FMN2: variants seen among roughly 807,000 people sequenced by gnomAD.
The protein encoded by FMN2 is formin 2, also known as formin-2.
A neutral mutation model predicts 142.3 loss-of-function variants in FMN2; 51 were observed. The ratio of observed to expected loss-of-function variants is 0.36; its 90% CI spans 0.29 to 0.45. FMN2 has a LOEUF of 0.45. FMN2 is among the 20% of genes least tolerant of loss of function. The probability of loss-of-function intolerance (pLI) is 1.00; values close to 1 mark genes in which losing one functional copy is unlikely to be tolerated. For synonymous variants in FMN2, 882 were observed against 869.8 expected (o/e 1.01, Z -0.25); for missense variants, 1,936 against 2,122.8 (o/e 0.91, Z 1.73).
At chr1:240,100,050 G>A (rs923041915) in intron 1 of FMN2, among the ~76,000 whole-genome samples, 2 of 152,198 alleles carry the variant, frequency 1.3e-5, no homozygotes, top group Non-Finnish European at 1.5e-5. Context: ...GACAAGTTGA[G>A]TATCCAGGCT....
At chr1:240,347,066 A>G (rs921267013) in intron 13 of FMN2, among the ~76,000 whole-genome samples, 2 of 152,186 alleles carry the variant, frequency 1.3e-5, no homozygotes, top group African/African-American at 4.8e-5. Context: ...GAGAAACATA[A>G]CCCATTAATT....
intron 16 of FMN2, among the ~76,000 whole-genome samples, chr1:240,445,887 G>A (rs1016157987): frequency 6.6e-6 from 1 of 152,118 alleles, no homozygotes; most frequent in Non-Finnish European, 1.5e-5. Context: ...AGTAAAGATT[G>A]TGGAAAATAG....
At chr1:240,380,824 A>G (rs1205427034) in intron 14 of FMN2, among the ~76,000 whole-genome samples, 1 of 152,098 alleles carries the variant, frequency 6.6e-6, no homozygotes, top group East Asian at 1.9e-4. Context: ...TTGAAACGAT[A>G]AACAAAATAG....
In FMN2 at chr1:240,176,711, A is replaced by C. The variant is rs1184950576; in HGVS notation, c.1783-1210A>C. Among the ~76,000 whole-genome samples the C allele has an allele frequency of 2.0e-5, 3 of 152,336 alleles. No homozygotes were observed. In the South Asian group the frequency reaches 6.2e-4, roughly 32 times the overall value. ...AACTATTTCTGATATTCAGTATGCT[A>C]AATAGCGCAGTTTCTGGTGTTGGTC... On this transcript the variant is annotated intron_variant, in intron 2 of 17. Coordinates refer to ENST00000319653, the MANE Select transcript of FMN2 (RefSeq NM_020066.5).
At chr1:240,159,961 G>GTATA (rs1245218890) in intron 2 of FMN2, among the ~76,000 whole-genome samples, 83 of 127,668 alleles carry the variant, frequency 6.5e-4, no homozygotes, top group African/African-American at 2.3e-3. Flanking sequence ...CTATATCTGT[G>GTATA]TATATATATA....
At chr1:240,336,065 C>T (rs947042776) in intron 13 of FMN2, among the ~76,000 whole-genome samples, 7 of 152,086 alleles carry the variant, frequency 4.6e-5, no homozygotes, top group African/African-American at 1.7e-4. Flanking sequence ...ATCACTTGAA[C>T]CTGGGAGGCA....
chr1:240,115,971 A>G (rs912576495), intron 1 of FMN2, among the ~76,000 whole-genome samples: 2 of 152,184 alleles, frequency 1.3e-5, no homozygotes, highest in African/African-American at 4.8e-5. Flanking sequence ...CTTAAAGAAC[A>G]TACAGGGCAA....
At chr1:240,133,897 G>C (rs977727720) in intron 2 of FMN2, among the ~76,000 whole-genome samples, 1 of 152,180 alleles carries the variant, frequency 6.6e-6, no homozygotes, top group African/African-American at 2.4e-5. Context: ...GTAATGCTGT[G>C]TCCTTGTGTT....
chr1:240,455,329 A>T (rs972491305), intron 16 of FMN2, among the ~76,000 whole-genome samples: 6 of 152,188 alleles, frequency 3.9e-5, no homozygotes, highest in African/African-American at 1.4e-4. Context: ...CCTAGAAAAC[A>T]TCGCAAGATC....
chr1:240,286,294 A>G (rs1415784256), intron 7 of FMN2, among the ~76,000 whole-genome samples: 1 of 152,134 alleles, frequency 6.6e-6, no homozygotes, highest in African/African-American at 2.4e-5. Flanking sequence ...CCTATCCTAC[A>G]ATTGTGATTG....
intron 4 of FMN2, among the ~76,000 whole-genome samples, chr1:240,193,089 T>C (rs1665772643): frequency 6.6e-6 from 1 of 152,188 alleles, no homozygotes; most frequent in African/African-American, 2.4e-5. Context: ...AATGAAGTAA[T>C]ATCTTTGCTC....
chr1:240,257,372 T>C, intron 6 of FMN2, among the ~76,000 whole-genome samples: 1 of 152,164 alleles, frequency 6.6e-6, no homozygotes, highest in East Asian at 1.9e-4. Context: ...CTCCCCAAAA[T>C]GTGGGTCAAA....
At chr1:240,317,477 A>G (rs1258339571) in intron 8 of FMN2, among the ~76,000 whole-genome samples, 1 of 152,172 alleles carries the variant, frequency 6.6e-6, no homozygotes, top group East Asian at 1.9e-4. Context: ...AGAATGTGAC[A>G]TAAATGGAAT....
At chr1:240,193,828 C>T (rs2103357945) in intron 4 of FMN2, among the ~76,000 whole-genome samples, 1 of 152,344 alleles carries the variant, frequency 6.6e-6, no homozygotes, top group Non-Finnish European at 1.5e-5. Flanking sequence ...CCAGAGTTAT[C>T]TTTCTAAAAT....
chr1:240,371,223 G>T (rs1672854736), intron 14 of FMN2, among the ~76,000 whole-genome samples: 1 of 152,122 alleles, frequency 6.6e-6, no homozygotes, highest in African/African-American at 2.4e-5. Flanking sequence ...GCCTCCCAAA[G>T]TGTTGAGATT....
chr1:240,208,909 T>C (rs1325600796), intron 5 of FMN2, among the ~76,000 whole-genome samples, 177 bp downstream of exon 5: 1 of 152,204 alleles, frequency 6.6e-6, no homozygotes, highest in Admixed American at 6.5e-5. Context: ...TAAGCTTTTC[T>C]CCAGAAGTAC....
chr1:240,456,488 C>T (rs888731734), intron 16 of FMN2, among the ~76,000 whole-genome samples: 1 of 152,140 alleles, frequency 6.6e-6, no homozygotes, highest in Admixed American at 6.6e-5. Context: ...CGGAGTTTCG[C>T]TCTTGTTGCC....
At chr1:240,291,033 C>G (rs770734445) in intron 7 of FMN2, among the ~76,000 whole-genome samples, 6 of 151,942 alleles carry the variant, frequency 3.9e-5, no homozygotes, top group African/African-American at 1.2e-4. Flanking sequence ...AGGCTGGTCT[C>G]GAATTCTGGG....
intron 2 of FMN2, among the ~76,000 whole-genome samples, chr1:240,148,912 C>T (rs921892136): frequency 6.6e-6 from 1 of 151,308 alleles, no homozygotes; most frequent in Non-Finnish European, 1.5e-5. Context: ...GCGGAGCTTG[C>T]AGTGAGTCTA....
Sources: allele counts gnomAD v4.1 joint callset (sites outside exome capture counted in the v4.1 genomes callset), GRCh38; gene constraint gnomAD v4.1.1; transcripts MANE v1.5; gene names NCBI Gene and HGNC (gene_info 2026-07-23, HGNC 2026-07-21).